The following FLNB variants were observed in gnomAD, a reference collection of about 807,000 sequenced individuals.
FLNB encodes the protein filamin B.
In FLNB, 111 loss-of-function variants were observed where a neutral mutation model predicts 250.6. The observed-to-expected ratio is 0.44, with a 90% CI of 0.38 to 0.52. The LOEUF is 0.52. Ranked by LOEUF, FLNB falls within the 20% of genes least tolerant of loss-of-function variation. FLNB has a pLI of 0.00. For synonymous variants in FLNB, 1,302 were observed against 1,372.1 expected (o/e 0.95, Z 1.13); for missense variants, 2,869 against 3,447.8 (o/e 0.83, Z 4.20).
intron 28 of FLNB, among the ~76,000 whole-genome samples, chr3:58,137,268 C>G (rs940713288): frequency 2.0e-5 from 3 of 152,070 alleles, no homozygotes; most frequent in East Asian, 1.9e-4. Flanking sequence ...TCACCCATGG[C>G]AAAAAATGGA....
At chr3:58,075,869 G>A (rs1411850604) in intron 1 of FLNB, among the ~76,000 whole-genome samples, 1 of 152,108 alleles carries the variant, frequency 6.6e-6, no homozygotes, top group Non-Finnish European at 1.5e-5. Context: ...TGGAGAGTGG[G>A]TATAGGGAAA....
intron 4 of FLNB, among the ~76,000 whole-genome samples, chr3:58,084,860 G>A (rs1363341017): frequency 2.6e-5 from 4 of 151,966 alleles, no homozygotes; most frequent in Admixed American, 2.0e-4. Flanking sequence ...ATCATATGCT[G>A]TCTGTTAGGT....
At chr3:58,104,193 G>T in intron 10 of FLNB, 108 bp downstream of exon 10, 161 of 1,033,106 alleles carry the variant, frequency 1.6e-4, no homozygotes, top group Non-Finnish European at 1.9e-4. Context: ...CTGCTTTGTT[G>T]AAAACTTTTT....
intron 1 of FLNB, among the ~76,000 whole-genome samples, chr3:58,055,374 T>A (rs1241243522): frequency 1.3e-5 from 2 of 152,100 alleles, no homozygotes; most frequent in Non-Finnish European, 2.9e-5. Context: ...ACATGAATGA[T>A]TGTATTTATG....
At chr3:58,068,374 C>T (rs1284172488) in intron 1 of FLNB, among the ~76,000 whole-genome samples, 5 of 152,184 alleles carry the variant, frequency 3.3e-5, no homozygotes, top group Admixed American at 6.5e-5. Flanking sequence ...CCAGGGGCCT[C>T]TGGGGTACCT....
chr3:58,023,780 A>C (rs959172406), intron 1 of FLNB, among the ~76,000 whole-genome samples: 2 of 152,196 alleles, frequency 1.3e-5, no homozygotes, highest in African/African-American at 4.8e-5. Flanking sequence ...CAACCACGGC[A>C]TGGAGGTGTT....
At chr3:58,047,567 C>CT (rs911361292) in intron 1 of FLNB, among the ~76,000 whole-genome samples, 101 of 145,288 alleles carry the variant, frequency 7.0e-4, no homozygotes, top group Middle Eastern at 3.6e-3. Context: ...ATATCACACA[C>CT]TTTTTTTTTT....
At chr3:58,016,333 C>T (rs975725631) in intron 1 of FLNB, among the ~76,000 whole-genome samples, 8 of 151,936 alleles carry the variant, frequency 5.3e-5, no homozygotes, top group Admixed American at 3.3e-4. Context: ...GGATTACAGG[C>T]GTGAGCCACG....
intron 1 of FLNB, among the ~76,000 whole-genome samples, chr3:58,074,483 A>G (rs1024495398): frequency 6.6e-6 from 1 of 152,264 alleles, no homozygotes; most frequent in Admixed American, 6.5e-5. Flanking sequence ...AAGAAGAGAA[A>G]CTAAAAAAAG....
At position 58,153,541 on chromosome 3, in the gene FLNB, C is replaced by T. The variant is rs1368127530; in HGVS notation, c.6534C>T (p.Gly2178=). Reference sequence around the variant, plus strand: ...AGTACCGTGGGCAGCACGTCACCGGCAGCCCCTTCCAGTTCACCGTGGGGC... The same window carrying T: ...AGTACCGTGGGCAGCACGTCACCGGTAGCCCCTTCCAGTTCACCGTGGGGC... ...SVKYRGQHVT[G]SPFQFTVGPL... is the part of the protein sequence containing the mutation. Residue 2178 remains glycine (G), a synonymous_variant, in exon 39 of 46, where the codon GGC becomes GGT. Coordinates refer to ENST00000295956, the MANE Select transcript of FLNB (RefSeq NM_001457.4). 1.2e-6 allele frequency: 2 copies of T among 1,614,150 alleles called. No individual in the cohort carries two copies. Among genetic ancestry groups the T allele is most frequent in the Non-Finnish European group, 8.5e-7 (1 of 1,180,054 alleles).
intron 3 of FLNB, among the ~76,000 whole-genome samples, chr3:58,079,496 C>T (rs1257448893): frequency 6.6e-6 from 1 of 152,188 alleles, no homozygotes; most frequent in Non-Finnish European, 1.5e-5. Context: ...CGTGATCTGC[C>T]CGCCTCAGCC....
chr3:58,118,878 A>G lies in FLNB; in HGVS notation c.2752A>G (p.Met918Val), dbSNP rs758337103. The G allele has an allele frequency of 2.5e-6, 4 of 1,613,700 alleles. No homozygotes were observed. Among genetic ancestry groups the G allele is most frequent in the Middle Eastern group, 1.6e-4 (1 of 6,062 alleles). Reference sequence around the variant, plus strand: ...GTTTTCTCTCTTGTTCCAGGGCAACATGCAGGTTCTGGTGACTTACGGTGG... The same window carrying G: ...GTTTTCTCTCTTGTTCCAGGGCAACGTGCAGGTTCTGGTGACTTACGGTGG... ...VKYTPTQQGN[M>V]QVLVTYGGDP... The change falls in exon 19 of 46, where the codon ATG becomes GTG. Residue 918 changes from methionine (M) to valine (V), a missense_variant. Physicochemically the swap from Met to Val is conservative, Grantham distance 21 (BLOSUM62 1). Around this residue, in one of 5 missense-constraint regions of FLNB, gnomAD observed 1,348 missense variants for 1,466.7 expected, o/e 0.92. Transcript: ENST00000295956.
rs570905485 is a variant in FLNB, at chr3:58,166,682, C to T, written c.7199-1758C>T. ...CAAAAAAATTTAAAAATTAGCCAGG[C>T]GTGGTGGTGCATGCCTGAAGTCCCA... On this transcript the variant is annotated intron_variant, in intron 43 of 45. Coordinates refer to ENST00000295956, the MANE Select transcript of FLNB (RefSeq NM_001457.4). Among the ~76,000 whole-genome samples, 35 of 152,058 alleles carry T rather than the reference C, an allele frequency of 2.3e-4. No homozygotes were observed. The South Asian group carries it at 2.5e-3, about 11-fold the overall frequency.
At chr3:58,095,050 C>T in intron 5 of FLNB, 96 bp downstream of exon 5, 1 of 993,606 alleles carries the variant, frequency 1.0e-6, no homozygotes, top group Non-Finnish European at 1.6e-6. Context: ...TTCATTTCAG[C>T]TCACAACCAA....
chr3:58,135,885 C>T, intron 27 of FLNB, 94 bp from the exon 28 acceptor site: 5 of 1,265,240 alleles, frequency 4.0e-6, no homozygotes, highest in African/African-American at 1.5e-5. Flanking sequence ...TCTGTTTCCA[C>T]TAGAGGCACT....
At chr3:58,026,311 C>G (rs1226265851) in intron 1 of FLNB, among the ~76,000 whole-genome samples, 1 of 152,096 alleles carries the variant, frequency 6.6e-6, no homozygotes, top group Admixed American at 6.6e-5. Flanking sequence ...GAGTCTGACT[C>G]GTCCCTGCCT....
intron 2 of FLNB, chr3:58,078,461 C>G (rs2097204614): frequency 3.9e-6 from 6 of 1,535,774 alleles, no homozygotes; most frequent in Non-Finnish European, 5.2e-6. Context: ...ACCACTTCTT[C>G]AAGGAATGGA....
At chr3:58,040,863 G>A (rs1559652069) in intron 1 of FLNB, among the ~76,000 whole-genome samples, 1 of 152,074 alleles carries the variant, frequency 6.6e-6, no homozygotes, top group Non-Finnish European at 1.5e-5. Context: ...CTGCATCTGG[G>A]TTTTTCTTTT....
chr3:58,121,819 G>C (rs1403258482), intron 20 of FLNB, among the ~76,000 whole-genome samples: 1 of 152,170 alleles, frequency 6.6e-6, no homozygotes, highest in African/African-American at 2.4e-5. Flanking sequence ...CCTCTGCCCA[G>C]CACCCAGCTC....
Sources: gnomAD v4.1 joint callset for allele counts (sites outside exome capture counted in the v4.1 genomes callset) on GRCh38, gnomAD v4.1.1 for gene constraint, gnomAD v4.1.1 regional missense constraint, MANE v1.5 for transcripts, NCBI Gene and HGNC (gene_info 2026-07-23, HGNC 2026-07-21) for gene names.